Variants in LRRIQ1 observed in about 807,000 individuals in gnomAD.
LRRIQ1 encodes leucine rich repeats and IQ motif containing 1.
LRRIQ1 carries 210 observed loss-of-function variants against 211.9 expected under a neutral mutation model. That is an observed-to-expected ratio of 0.99 (90% CI 0.89 to 1.11). The LOEUF (loss-of-function observed/expected upper bound fraction) is 1.11, where lower values mean the gene tolerates loss of function less well. Among genes scored for constraint, LRRIQ1 ranks in the 50% most tolerant of loss-of-function variants. The pLI is 0.00. For synonymous variants in LRRIQ1, 699 were observed against 650.1 expected (o/e 1.08, Z -1.14); for missense variants, 2,136 against 1,939.5 (o/e 1.10, Z -1.90).
intron 26 of LRRIQ1, among the ~76,000 whole-genome samples, chr12:85,243,837 G>C (rs1167177131): frequency 1.3e-5 from 2 of 151,346 alleles, no homozygotes; most frequent in African/African-American, 4.8e-5. Flanking sequence ...GTCATTTTTG[G>C]ATACTAGCTC....
chr12:85,198,079 T>A (rs1893075085), intron 24 of LRRIQ1, among the ~76,000 whole-genome samples: 1 of 110,468 alleles, frequency 9.1e-6, no homozygotes, highest in Non-Finnish European at 1.7e-5. Flanking sequence ...TATTTATATA[T>A]AATTTATTAT....
At chr12:85,238,623 C>G (rs1895309445) in intron 26 of LRRIQ1, among the ~76,000 whole-genome samples, 1 of 151,734 alleles carries the variant, frequency 6.6e-6, no homozygotes, top group Non-Finnish European at 1.5e-5. Flanking sequence ...TTGTAATTTA[C>G]CACATTAACA....
intron 24 of LRRIQ1, among the ~76,000 whole-genome samples, chr12:85,204,709 T>C (rs1209170303): frequency 2.9e-5 from 4 of 136,706 alleles, no homozygotes; most frequent in Admixed American, 2.7e-4. Context: ...TTTGGAATGA[T>C]TGTATTTTCC....
At chr12:85,206,253 G>A (rs970792686) in intron 24 of LRRIQ1, among the ~76,000 whole-genome samples, 1 of 152,212 alleles carries the variant, frequency 6.6e-6, no homozygotes, top group Non-Finnish European at 1.5e-5. Flanking sequence ...TCCACCTGCA[G>A]CAGTGTGGGC....
chr12:85,214,311 CAATT>C (rs1893976038), intron 24 of LRRIQ1, among the ~76,000 whole-genome samples: 1 of 152,014 alleles, frequency 6.6e-6, no homozygotes, highest in Admixed American at 6.6e-5. Context: ...ACTACAATCT[CAATT>C]AAATCCCACA....
intron 26 of LRRIQ1, among the ~76,000 whole-genome samples, chr12:85,241,308 C>A (rs1895447866): frequency 6.6e-6 from 1 of 151,750 alleles, no homozygotes; most frequent in Non-Finnish European, 1.5e-5. Flanking sequence ...ATTTAAAGTG[C>A]CTTCCCTACC....
At position 85,056,216 on chromosome 12, in the gene LRRIQ1, CT is replaced by C. The variant is rs1881039983; in HGVS notation, c.1424del (p.Leu475ArgfsTer13). 1 of 1,569,988 alleles carries C rather than the reference CT, an allele frequency of 6.4e-7. No homozygotes were observed. Among genetic ancestry groups the C allele is most frequent in the African/African-American group, 1.4e-5 (1 of 72,098 alleles). ...AGAATCTATATCAAGCCAAACAATT[CT>C]GGCAGATTTTAAAATGGAAGAAAAA... is the stretch of plus-strand genomic sequence containing the variant. Reference protein sequence around the residue: ...LKESISSQTILADFKMEEKNE... With the variant: ...LKESISSQTIXADFKMEEKNE... On this transcript the variant is annotated frameshift_variant, in exon 8 of 27. Transcript: ENST00000393217. LOFTEE classifies it high-confidence loss of function.
At chr12:85,198,755 A>C (rs1000139422) in intron 24 of LRRIQ1, among the ~76,000 whole-genome samples, 1 of 151,984 alleles carries the variant, frequency 6.6e-6, no homozygotes, top group African/African-American at 2.4e-5. Flanking sequence ...TTTTTAGTAG[A>C]GACGGGGTTC....
chr12:85,095,432 A>G (rs1053224837), intron 11 of LRRIQ1, among the ~76,000 whole-genome samples: 4 of 152,168 alleles, frequency 2.6e-5, no homozygotes, highest in Non-Finnish European at 4.4e-5. Flanking sequence ...ATTTGCATGT[A>G]TTAAAACAGT....
At chr12:85,198,039 T>C (rs1893065525) in intron 24 of LRRIQ1, among the ~76,000 whole-genome samples, 2 of 30,796 alleles carry the variant, frequency 6.5e-5, no homozygotes, top group East Asian at 1.0e-3. Flanking sequence ...ATAACATATA[T>C]AATATATTAT....
chr12:85,256,107 T>C (rs1432654254), intron 1 of LRRIQ1, among the ~76,000 whole-genome samples: 1 of 151,654 alleles, frequency 6.6e-6, no homozygotes, highest in East Asian at 1.9e-4. Flanking sequence ...TACAGAATAA[T>C]GTTTACGGAG....
chr12:85,229,800 T>A, intron 25 of LRRIQ1, 151 bp downstream of exon 25: 2 of 651,620 alleles, frequency 3.1e-6, no homozygotes, highest in Non-Finnish European at 2.5e-6. Flanking sequence ...TCATATAGAA[T>A]AGATTTAATT....
downstream of LRRIQ1, chr12:85,264,534 C>A (rs138946302): frequency 4.0e-4 from 61 of 151,958 alleles, no homozygotes; most frequent in African/African-American, 1.5e-3. Context: ...TTAAAAAATT[C>A]TTTCAATGCT....
intron 12 of LRRIQ1, 55 bp from the exon 13 acceptor site, chr12:85,098,812 C>A: frequency 7.6e-7 from 1 of 1,310,586 alleles, no homozygotes; most frequent in Non-Finnish European, 1.0e-6. Context: ...TTTAATTGGG[C>A]TAAATGATAA....
chr12:85,105,321 G>GT (rs1775877348), intron 14 of LRRIQ1, among the ~76,000 whole-genome samples: 1 of 151,942 alleles, frequency 6.6e-6, no homozygotes, highest in Admixed American at 6.6e-5. Context: ...TGTACTTTCA[G>GT]TTTTTTACTG....
intron 24 of LRRIQ1, among the ~76,000 whole-genome samples, chr12:85,203,316 C>A (rs1166050443): frequency 6.6e-6 from 1 of 152,136 alleles, no homozygotes; most frequent in East Asian, 1.9e-4. Flanking sequence ...TTGTAAATTT[C>A]CCATTCTTGG....
At chr12:85,271,929 A>G in the LRRIQ1 span, among the ~76,000 whole-genome samples, 48 of 152,272 alleles carry the variant, frequency 3.2e-4, no homozygotes, top group African/African-American at 1.1e-3. Context: ...AGTACAAAAT[A>G]TATATATTTA....
intron 24 of LRRIQ1, among the ~76,000 whole-genome samples, chr12:85,196,387 G>T (rs933647725): frequency 1.2e-4 from 18 of 152,066 alleles, no homozygotes; most frequent in African/African-American, 4.3e-4. Flanking sequence ...TAAGCCAAAA[G>T]AACAAAGCTG....
chr12:85,075,051 G>T (rs1255826959), intron 11 of LRRIQ1, among the ~76,000 whole-genome samples: 2 of 152,150 alleles, frequency 1.3e-5, no homozygotes, highest in African/African-American at 4.8e-5. Flanking sequence ...ATACAATTAA[G>T]TGTTATACAG....
Sources: allele counts gnomAD v4.1 joint callset (sites outside exome capture counted in the v4.1 genomes callset), GRCh38; gene constraint gnomAD v4.1.1; transcripts MANE v1.5; gene names NCBI Gene and HGNC (gene_info 2026-07-23, HGNC 2026-07-21).